The following SGCB variants were observed in gnomAD, a reference collection of about 807,000 sequenced individuals.
SGCB encodes the protein beta-sarcoglycan.
A neutral mutation model predicts 27.3 loss-of-function variants in SGCB; 25 were observed. That is an observed-to-expected ratio of 0.92 (90% CI 0.67 to 1.28). The LOEUF is 1.28. SGCB is among the 50% of genes most tolerant of loss of function. SGCB has a pLI of 0.00. For synonymous variants in SGCB, 147 were observed against 133.5 expected (o/e 1.10, Z -0.70); for missense variants, 436 against 402.1 (o/e 1.08, Z -0.72).
At position 52,038,224 on chromosome 4, in the gene SGCB, G is replaced by A. The variant is rs1478234957; in HGVS notation, c.33+3C>T. Reference sequence around the variant, plus strand: ...GCCCGCGGCCGCGGCGGTACTCACAGACCTGTTCTGCAGCCGCCGCCGCCG... The same window carrying A: ...GCCCGCGGCCGCGGCGGTACTCACAAACCTGTTCTGCAGCCGCCGCCGCCG... On this transcript the variant is annotated splice_donor_region_variant and intron_variant, in intron 1 of 5. Transcript: ENST00000381431. 7.8e-7 allele frequency: 1 copy of A among 1,276,350 alleles called. No homozygotes were observed. 79.1% of individuals were successfully genotyped at this position (1,276,350 alleles called of 1,614,324 possible).
intron 4 of SGCB, 93 bp downstream of exon 4, chr4:52,028,635 CAA>C: frequency 4.6e-6 from 4 of 874,714 alleles, no homozygotes; most frequent in Non-Finnish European, 5.2e-6. Flanking sequence ...AACTCCGTCT[CAA>C]AAAAAAAACA....
In SGCB at chr4:52,029,401, T is replaced by C. The variant is rs141369371; in HGVS notation, c.429+277A>G. ...CCTATGTATTCTCATACAAATTACA[T>C]CTGTCATAGAAAATGCTACCATTGA... On this transcript the variant is annotated intron_variant, in intron 3 of 5. Transcript: ENST00000381431. 2.7e-3 allele frequency among the ~76,000 whole-genome samples: 408 copies of C among 152,294 alleles called. 1 individual carries two copies. Among genetic ancestry groups the C allele is most frequent in the Non-Finnish European group, 4.5e-3 (306 of 68,028 alleles).
At chr4:52,028,572 C>T (rs919806211) in intron 4 of SGCB, among the ~76,000 whole-genome samples, 158 bp downstream of exon 4, 13 of 151,856 alleles carry the variant, frequency 8.6e-5, no homozygotes, top group African/African-American at 3.1e-4. Flanking sequence ...GGAGGCGGAG[C>T]TTGCAGTGAG....
intron 5 of SGCB, among the ~76,000 whole-genome samples, chr4:52,027,031 A>G (rs1437894593): frequency 6.6e-6 from 1 of 152,216 alleles, no homozygotes; most frequent in African/African-American, 2.4e-5. Context: ...AGATGGGATT[A>G]TGTGTTCTGG....
intron 5 of SGCB, 92 bp downstream of exon 5, chr4:52,027,876 A>AT (rs1168426233): frequency 3.3e-6 from 4 of 1,217,634 alleles, no homozygotes; most frequent in Non-Finnish European, 4.8e-6. Context: ...ATAGACAATT[A>AT]TATCATTTTC....
intron 1 of SGCB, among the ~76,000 whole-genome samples, chr4:52,034,487 T>C (rs1737334708): frequency 6.6e-6 from 1 of 151,750 alleles, no homozygotes; most frequent in Non-Finnish European, 1.5e-5. Context: ...TTCAGTGTTG[T>C]AAGTAATCTG....
At chr4:52,037,006 G>T (rs1223341199) in intron 1 of SGCB, among the ~76,000 whole-genome samples, 1 of 152,224 alleles carries the variant, frequency 6.6e-6, no homozygotes, top group African/African-American at 2.4e-5. Flanking sequence ...GCGTAAATTT[G>T]AAGTGGAGAC....
At chr4:52,034,037 CA>C (rs1443447943) in intron 1 of SGCB, among the ~76,000 whole-genome samples, 1 of 151,758 alleles carries the variant, frequency 6.6e-6, no homozygotes, top group East Asian at 1.9e-4. Context: ...CACTGTGGAT[CA>C]AAAATATTTG....
Position 52,038,281 on chromosome 4 carries a change from G to C in SGCB, c.-22C>G, listed in dbSNP as rs1193500619. On this transcript the variant is annotated 5_prime_UTR_variant, in exon 1 of 6. Coordinates refer to ENST00000381431, the MANE Select transcript of SGCB (RefSeq NM_000232.5). ...CCATCTTCCCGCGCCCGCCGCCGCCGAGCTCCCCGCCCGACTGTGCCCGCC... is the reference window on the plus strand; with the variant it reads ...CCATCTTCCCGCGCCCGCCGCCGCCCAGCTCCCCGCCCGACTGTGCCCGCC... 7.7e-7 allele frequency: 1 copy of C among 1,291,504 alleles called. No individual in the cohort carries two copies. The highest frequency in any genetic ancestry group is 9.8e-7 in the Non-Finnish European group (1 of 1,017,700). The allele number at this position is 1,291,504 out of a possible 1,614,324, so 80.0% of individuals were successfully genotyped here. A position where few individuals can be genotyped will look rare whatever the true frequency, so the allele number is the denominator to read the frequency against.
chr4:52,034,913 G>GTA (rs1260725897), intron 1 of SGCB, among the ~76,000 whole-genome samples: 1 of 152,218 alleles, frequency 6.6e-6, no homozygotes. Context: ...ATGTATGCTT[G>GTA]TATAGCCCTG....
At chr4:52,032,407 G>C (rs905440532) in intron 2 of SGCB, among the ~76,000 whole-genome samples, 8 of 152,110 alleles carry the variant, frequency 5.3e-5, no homozygotes, top group African/African-American at 1.9e-4. Context: ...GATTTCAGTT[G>C]CTTCCGACTT....
intron 1 of SGCB, 140 bp downstream of exon 1, chr4:52,038,087 C>T: frequency 4.6e-6 from 1 of 218,298 alleles, no homozygotes; most frequent in Non-Finnish European, 7.8e-6. Context: ...CCCGCCCCGC[C>T]CCGCCCCGAT....
In SGCB at chr4:52,024,036, C is replaced by A. The variant is rs751033615; in HGVS notation, c.878G>T (p.Gly293Val). 5.0e-6 allele frequency: 8 copies of A among 1,613,864 alleles called. No individual in the cohort carries two copies. The highest frequency in any genetic ancestry group is 1.3e-5 in the African/African-American group (1 of 74,844). Residue 293 changes from glycine to valine, a missense_variant, in exon 6 of 6, where the codon GGG becomes GTG. Gly to Val is a moderately radical substitution (Grantham distance 109, BLOSUM62 -3). Transcript: ENST00000381431. Reference protein sequence around the residue: ...VRYKLCMCADGTLFKVQVTSQ... With the variant: ...VRYKLCMCADVTLFKVQVTSQ... ...GGTTACTTGCACCTTGAAGAGCGTC[C>A]CATCAGCACACATGCAGAGCTTGTA...
intron 5 of SGCB, among the ~76,000 whole-genome samples, chr4:52,026,658 G>A (rs941070906): frequency 4.6e-5 from 7 of 152,198 alleles, no homozygotes; most frequent in East Asian, 1.9e-4. Flanking sequence ...TGATATTAAC[G>A]AAGTTATAAA....
At position 52,034,331 on chromosome 4, in the gene SGCB, C is replaced by CAAAAAAAAAA. The variant is rs541129158; in HGVS notation, c.34-701_34-692dup. Among the ~76,000 whole-genome samples the CAAAAAAAAAA allele has an allele frequency of 4.5e-4, 12 of 26,516 alleles. 3 individuals carry two copies. The highest frequency in any genetic ancestry group is 9.7e-4 in the Admixed American group (1 of 1,036). 17.4% of individuals were successfully genotyped at this position (26,516 alleles called of 152,430 possible). A position where few individuals can be genotyped will look rare whatever the true frequency, so the allele number is the denominator to read the frequency against. Reference sequence around the variant, plus strand: ...TGGGCGACAGAGCGAGACTCCGTCTCAAAAAAAAAAAAAAAAAAAAAAAAA... The same window carrying CAAAAAAAAAA: ...TGGGCGACAGAGCGAGACTCCGTCTCAAAAAAAAAAAAAAAAAAAAAAAAAAAAAAAAAAA... On this transcript the variant is annotated intron_variant, in intron 1 of 5. Transcript: ENST00000381431.
At chr4:52,027,440 A>C (rs1560566874) in intron 5 of SGCB, among the ~76,000 whole-genome samples, 1 of 151,770 alleles carries the variant, frequency 6.6e-6, no homozygotes, top group African/African-American at 2.4e-5. Flanking sequence ...AAAAATATCT[A>C]AATAAAATAA....
chr4:52,030,004 C>A (rs1050312340), intron 2 of SGCB, 141 bp from the exon 3 acceptor site: 15 of 682,398 alleles, frequency 2.2e-5, no homozygotes, highest in Middle Eastern at 3.9e-4. Context: ...ATTAATTTTC[C>A]ACTTATAAAC....
Position 52,038,274 on chromosome 4 carries a change from C to G in SGCB, c.-15G>C, listed in dbSNP as rs1737457967. On this transcript the variant is annotated 5_prime_UTR_variant, in exon 1 of 6. Transcript: ENST00000381431. ...GCTGCCGCCATCTTCCCGCGCCCGC[C>G]GCCGCCGAGCTCCCCGCCCGACTGT... 7.7e-7 allele frequency: 1 copy of G among 1,294,320 alleles called. No homozygotes were observed. The highest frequency in any genetic ancestry group is 9.8e-7 in the Non-Finnish European group (1 of 1,019,122). 80.2% of individuals were successfully genotyped at this position (1,294,320 alleles called of 1,614,324 possible). A position where few individuals can be genotyped will look rare whatever the true frequency, so the allele number is the denominator to read the frequency against.
In SGCB at chr4:52,033,584, C is replaced by A. The variant is rs11541942; in HGVS notation, c.90G>T (p.Arg30Ser). The A allele has an allele frequency of 6.2e-7, 1 of 1,613,940 alleles. No individual in the cohort carries two copies. Among genetic ancestry groups the A allele is most frequent in the Non-Finnish European group, 8.5e-7 (1 of 1,179,862 alleles). The change falls in exon 2 of 6, where the codon AGG becomes AGT. Residue 30 changes from arginine to serine, a missense_variant. By Grantham distance (110) the Arg-to-Ser change is moderately radical. Coordinates refer to ENST00000381431, the MANE Select transcript of SGCB (RefSeq NM_000232.5). ...KSMREKAVER[R>S]SVNKEHNSNF... Reference sequence around the variant, plus strand: ...TACTGTTGTGCTCTTTATTGACACTCCTTCTCTCAACAGCCTTCTCACGCA... The same window carrying A: ...TACTGTTGTGCTCTTTATTGACACTACTTCTCTCAACAGCCTTCTCACGCA...
Sources: allele counts gnomAD v4.1 joint callset (sites outside exome capture counted in the v4.1 genomes callset), GRCh38; gene constraint gnomAD v4.1.1; transcripts MANE v1.5; gene names NCBI Gene and HGNC (gene_info 2026-07-23, HGNC 2026-07-21).